CUBN: variants seen among roughly 807,000 people sequenced by gnomAD.
CUBN encodes the protein 460 kDa receptor.
A neutral mutation model predicts 405.3 loss-of-function variants in CUBN; 282 were observed. That is an observed-to-expected ratio of 0.70 (90% CI 0.63 to 0.77). CUBN has a LOEUF of 0.77. Among genes scored for constraint, CUBN ranks in the 30% least tolerant of loss-of-function variants. The probability of loss-of-function intolerance (pLI) is 0.00; values close to 1 mark genes in which losing one functional copy is unlikely to be tolerated. For missense variants in CUBN, 4,514 were observed against 4,475.2 expected, an observed-to-expected ratio of 1.01 and a Z score of -0.25; for synonymous variants, 1,684 against 1,617.0, an observed-to-expected ratio of 1.04 and a Z score of -0.99.
intron 28 of CUBN, 107 bp downstream of exon 28, chr10:17,019,726 G>C (rs774542595): frequency 2.3e-6 from 3 of 1,314,174 alleles, no homozygotes; most frequent in Non-Finnish European, 3.3e-6. Context: ...TACTACCTGG[G>C]TTCCATTATT....
chr10:16,949,465 AGTGT>A (rs1403292425), intron 34 of CUBN, among the ~76,000 whole-genome samples: 2 of 64,686 alleles, frequency 3.1e-5, no homozygotes, highest in Non-Finnish European at 1.2e-4. Flanking sequence ...GTGTGTGTGT[AGTGT>A]GTGTGTGTTT....
At chr10:17,122,000 T>C (rs1837053972) in intron 6 of CUBN, 1 of 152,304 alleles carries the variant, frequency 6.6e-6, no homozygotes, top group Non-Finnish European at 1.5e-5. Flanking sequence ...CAAAGAACTG[T>C]ACAAAAGTAA....
Position 17,114,142 on chromosome 10 carries a change from G to A in CUBN, c.768C>T (p.Asn256=). ...VCDAGWMFSP[N]SPACTLDRDE... is the part of the protein sequence containing the mutation. The stretch of plus-strand genomic sequence containing the variant: ...CTCTGTCCAGCGTGCAGGCAGGGCT[G>A]TTGGGTGAAAACATCCACCCAGCAT... The change falls in exon 8 of 67, where the codon AAC becomes AAT. Residue 256 remains asparagine (N), a synonymous_variant. Transcript: ENST00000377833. 1.2e-6 allele frequency: 2 copies of A among 1,613,754 alleles called. No individual in the cohort carries two copies. The highest frequency in any genetic ancestry group is 1.7e-6 in the Non-Finnish European group (2 of 1,179,878).
In CUBN at chr10:17,103,132, A is replaced by C. The variant is rs140039617; in HGVS notation, c.1523T>G (p.Met508Arg). The C allele has an allele frequency of 6.2e-6, 10 of 1,602,830 alleles. No homozygotes were observed. Among genetic ancestry groups the C allele is most frequent in the Non-Finnish European group, 8.5e-6 (10 of 1,169,940 alleles). ...VNCFWVIKTE[M>R]GKVLRITFTF... ...AAGAGTTACTACATTTACCTTTCCC[A>C]TTTCAGTTTTGATAACCCAGAAGCA... Residue 508 changes from methionine to arginine, a missense_variant, in exon 13 of 67, where the codon ATG becomes AGG. Met to Arg is a moderately conservative substitution (Grantham distance 91). Coordinates refer to ENST00000377833, the MANE Select transcript of CUBN (RefSeq NM_001081.4).
chr10:16,846,812 C>CA (rs59819645), intron 60 of CUBN, among the ~76,000 whole-genome samples: 88,138 of 134,932 alleles, frequency 0.65, 30,819 homozygotes, highest in Non-Finnish European at 0.79. Context: ...AACTCTGTCT[C>CA]AAAAAAAAAA....
rs143326344 is a variant in CUBN at position 16,824,670 on chromosome 10, A to C, written c.*305T>G. The C allele has an allele frequency of 7.5e-3, 2,639 of 351,614 alleles. 70 individuals are homozygous for C. The highest frequency in any genetic ancestry group is 0.051 in the African/African-American group (2,398 of 46,650). The allele number at this position is 351,614 out of a possible 1,614,324, so 21.8% of individuals were successfully genotyped here. ...CGAGTGGCTGGAATTACAGGCACCC[A>C]CCACCACGCCTGGCTAATTATTATA... On this transcript the variant is annotated 3_prime_UTR_variant, in exon 67 of 67. Coordinates refer to ENST00000377833, the MANE Select transcript of CUBN (RefSeq NM_001081.4).
rs12172744 is a variant in CUBN at position 16,855,022 on chromosome 10, C to G, written c.9455-3579G>C. Among the ~76,000 whole-genome samples the G allele has an allele frequency of 4.5e-5, 6 of 134,408 alleles. No individual in the cohort carries two copies. In the East Asian group the frequency reaches 1.4e-3, roughly 32 times the overall value. The allele number at this position is 134,408 out of a possible 152,430, so 88.2% of individuals were successfully genotyped here. A position where few individuals can be genotyped will look rare whatever the true frequency, so the allele number is the denominator to read the frequency against. ...CTTTTTTCTCTCTCTCTCTTTCTCT[C>G]TCTCTCTTTCTCTCTATCTCTCTTC... On this transcript the variant is annotated intron_variant, in intron 59 of 66. Coordinates refer to ENST00000377833, the MANE Select transcript of CUBN (RefSeq NM_001081.4).
intron 28 of CUBN, among the ~76,000 whole-genome samples, chr10:17,008,478 A>G (rs1834093797): frequency 7.0e-6 from 1 of 142,730 alleles, no homozygotes; most frequent in Non-Finnish European, 1.6e-5. Flanking sequence ...GCTTAGCCAC[A>G]TTATGTGCTT....
At chr10:16,949,452 TGTGTGTGTGTGTA>T (rs753705900) in intron 34 of CUBN, among the ~76,000 whole-genome samples, 14,393 of 99,138 alleles carry the variant, frequency 0.15, 879 homozygotes, top group Non-Finnish European at 0.22. Flanking sequence ...TGTGTGTGTG[TGTGTGTGTGTGTA>T]GTGTGTGTGT....
intron 27 of CUBN, among the ~76,000 whole-genome samples, chr10:17,033,866 C>T (rs1009671731): frequency 1.3e-5 from 2 of 152,124 alleles, no homozygotes; most frequent in African/African-American, 4.8e-5. Flanking sequence ...TCCCATGAGC[C>T]CGATGTTTCT....
At chr10:17,113,288 C>G (rs1564520319) in intron 8 of CUBN, among the ~76,000 whole-genome samples, 1 of 151,990 alleles carries the variant, frequency 6.6e-6, no homozygotes, top group Non-Finnish European at 1.5e-5. Flanking sequence ...CAAAACAAAA[C>G]AAAACCAGCT....
chr10:17,030,333 C>T (rs2131803006), intron 27 of CUBN, among the ~76,000 whole-genome samples: 1 of 151,940 alleles, frequency 6.6e-6, no homozygotes, highest in African/African-American at 2.4e-5. Context: ...AAAACAGTCC[C>T]TGGTGCCAAA....
chr10:16,905,889 G>A (rs1241498195), intron 50 of CUBN, among the ~76,000 whole-genome samples: 1 of 152,160 alleles, frequency 6.6e-6, no homozygotes, highest in Non-Finnish European at 1.5e-5. Flanking sequence ...AAAGAGGGAG[G>A]ATCACTTGAG....
chr10:16,969,404 G>A (rs1843490296), intron 31 of CUBN, among the ~76,000 whole-genome samples: 1 of 151,964 alleles, frequency 6.6e-6, no homozygotes, highest in African/African-American at 2.4e-5. Flanking sequence ...TGCCAGGCTG[G>A]AGTGCAGTGG....
intron 20 of CUBN, 79 bp from the exon 21 acceptor site, chr10:17,068,359 C>A (rs980175194): frequency 2.5e-5 from 35 of 1,419,578 alleles, no homozygotes; most frequent in Middle Eastern, 2.0e-4. Context: ...CTGATAATAA[C>A]CTCTTCAAAG....
intron 28 of CUBN, among the ~76,000 whole-genome samples, chr10:17,002,856 T>G (rs746721954): frequency 6.6e-6 from 1 of 152,208 alleles, no homozygotes; most frequent in Non-Finnish European, 1.5e-5. Context: ...CATTAAGAAT[T>G]TCTTTGCAGA....
chr10:17,126,670 C>G (rs950293452), intron 4 of CUBN, 91 bp downstream of exon 4: 1 of 1,338,868 alleles, frequency 7.5e-7, no homozygotes, highest in Non-Finnish European at 1.1e-6. Context: ...ATTAATCATC[C>G]ATTCACCTTC....
chr10:16,849,112 T>C (rs914645055), intron 60 of CUBN, among the ~76,000 whole-genome samples: 2 of 152,192 alleles, frequency 1.3e-5, no homozygotes, highest in Non-Finnish European at 2.9e-5. Context: ...ATACTTTATT[T>C]AAATGGTTGT....
At chr10:16,957,918 T>C (rs1039875967) in intron 31 of CUBN, among the ~76,000 whole-genome samples, 1 of 150,598 alleles carries the variant, frequency 6.6e-6, no homozygotes, top group Non-Finnish European at 1.5e-5. Context: ...AAGAAAAAAC[T>C]CTAAGATTTT....
Sources: gnomAD v4.1 joint callset for allele counts (sites outside exome capture counted in the v4.1 genomes callset) on GRCh38, gnomAD v4.1.1 for gene constraint, MANE v1.5 for transcripts, NCBI Gene and HGNC (gene_info 2026-07-23, HGNC 2026-07-21) for gene names.